Variants in PIGB observed in about 807,000 individuals in gnomAD.
PIGB encodes phosphatidylinositol glycan anchor biosynthesis class B.
PIGB carries 58 observed loss-of-function variants against 68.4 expected under a neutral mutation model. That is an observed-to-expected ratio of 0.85 (90% CI 0.69 to 1.06). The LOEUF is 1.06. Among genes scored for constraint, PIGB ranks in the 50% least tolerant of loss-of-function variants. PIGB has a pLI of 0.00. For missense variants in PIGB, 634 were observed against 655.8 expected (o/e 0.97, Z 0.36); for synonymous variants, 219 against 220.5 (o/e 0.99, Z 0.06).
intron 7 of PIGB, 105 bp from the exon 8 acceptor site, chr15:55,340,507 G>T: frequency 3.4e-6 from 2 of 589,814 alleles, no homozygotes; most frequent in Non-Finnish European, 5.7e-6. Context: ...CTGGTTTTTA[G>T]ACTTCAATTC....
Position 55,319,260 on chromosome 15 carries a change from C to G in PIGB, c.10C>G (p.Pro4Ala), listed in dbSNP as rs765931863. Residue 4 changes from proline (P) to alanine (A), a missense_variant, in exon 1 of 12, where the codon CCC (proline) becomes GCC (alanine). Physicochemically the swap from Pro to Ala is conservative, Grantham distance 27. Transcript: ENST00000164305. ...AAGGTGGCGGCCAGGGATGAGGAGG[C>G]CCCTAAGCAAGTGCGGAATGGAGCC... MRRPLSKCGMEPGG... is the reference protein window; with the variant it reads MRRALSKCGMEPGG... The G allele has an allele frequency of 1.1e-5, 17 of 1,606,206 alleles. No individual in the cohort carries two copies. In the East Asian group the frequency reaches 1.3e-4, roughly 13 times the overall value.
chr15:55,345,420 G>T (rs1028524391), intron 9 of PIGB, among the ~76,000 whole-genome samples: 1 of 151,930 alleles, frequency 6.6e-6, no homozygotes. Flanking sequence ...GAATTCTATC[G>T]AAGATGGAAA....
chr15:55,331,319 G>A (rs1456194897), intron 5 of PIGB, among the ~76,000 whole-genome samples: 1 of 152,072 alleles, frequency 6.6e-6, no homozygotes, highest in Non-Finnish European at 1.5e-5. Flanking sequence ...AGGGTCACAT[G>A]GTACAAAAGG....
chr15:55,353,691 G>A (rs553055237), intron 10 of PIGB, among the ~76,000 whole-genome samples: 12 of 151,974 alleles, frequency 7.9e-5, no homozygotes, highest in African/African-American at 1.2e-4. Flanking sequence ...TGCAACCTCC[G>A]TCTTCTGGGT....
chr15:55,333,371 G>A lies in PIGB; in HGVS notation c.654-496G>A, dbSNP rs182382729. On this transcript the variant is annotated intron_variant, in intron 5 of 11. Transcript: ENST00000164305. ...AGCACTTTAGGAGGCTGAGGCTGGC[G>A]GATCGCCTGAGGTCAGGAGTTTGAG... 1.3e-3 allele frequency among the ~76,000 whole-genome samples: 195 copies of A among 152,070 alleles called. 1 individual carries two copies. Among genetic ancestry groups the A allele is most frequent in the Middle Eastern group, 3.4e-3 (1 of 294 alleles).
At position 55,333,876 on chromosome 15, in the gene PIGB, C is replaced by G. The variant is rs1447687114; in HGVS notation, c.663C>G (p.Tyr221Ter). The change falls in exon 6 of 12, where the codon TAC becomes TAG. Residue 221 changes from tyrosine (Y) to a stop codon, truncating the protein, a stop_gained. Coordinates refer to ENST00000164305, the MANE Select transcript of PIGB (RefSeq NM_004855.5). LOFTEE classifies it high-confidence loss of function. ...EGSKSMNSVK[Y>*]SSLVALAFII... ...CATTTTCCTCTTATAGTGTCAAATA[C>G]TCATCCCTGGTGGCACTTGCCTTCA... 4.4e-6 allele frequency: 7 copies of G among 1,599,262 alleles called. No homozygotes were observed. In the Admixed American group the frequency reaches 1.2e-4, roughly 28 times the overall value.
rs540582863 is a variant in PIGB, at chr15:55,338,941, C to T, written c.795-326C>T. On this transcript the variant is annotated intron_variant, in intron 6 of 11. Transcript: ENST00000164305. ...GCCAGAGGCACCCAGCTAAGCAACA[C>T]CTAGGTTCTTGATCCACAGGAACTA... is the stretch of plus-strand genomic sequence containing the variant. 7.2e-5 allele frequency among the ~76,000 whole-genome samples: 11 copies of T among 152,276 alleles called. 1 individual carries two copies. The South Asian group carries it at 2.3e-3, about 32-fold the overall frequency.
intron 7 of PIGB, 73 bp downstream of exon 7, chr15:55,339,391 G>C: frequency 1.0e-6 from 1 of 965,562 alleles, no homozygotes. Flanking sequence ...AGAGGCAAAT[G>C]ATTTTTTAAA....
chr15:55,321,762 C>T (rs1284237967), intron 3 of PIGB, among the ~76,000 whole-genome samples: 4 of 147,568 alleles, frequency 2.7e-5, no homozygotes, highest in Admixed American at 6.8e-5. Flanking sequence ...AAGCGATTCT[C>T]CTGCCTCAGC....
chr15:55,326,273 CATA>C (rs1324723776), intron 3 of PIGB, among the ~76,000 whole-genome samples: 2 of 150,962 alleles, frequency 1.3e-5, no homozygotes, highest in Non-Finnish European at 2.9e-5. Flanking sequence ...TTATCTTATA[CATA>C]ATATTATCTT....
At chr15:55,320,228 C>A in intron 1 of PIGB, 47 bp from the exon 2 acceptor site, 1 of 1,583,766 alleles carries the variant, frequency 6.3e-7, no homozygotes, top group Admixed American at 1.8e-5. Flanking sequence ...GCAAGTGGAA[C>A]TGCCTGACTT....
chr15:55,334,957 G>A (rs2055501424), intron 6 of PIGB, among the ~76,000 whole-genome samples: 2 of 152,190 alleles, frequency 1.3e-5, no homozygotes, highest in African/African-American at 2.4e-5. Flanking sequence ...GACCTCAGGT[G>A]ATCCACCCAC....
At chr15:55,354,673 C>T (rs2056030684) in intron 10 of PIGB, 125 bp from the exon 11 acceptor site, 1 of 711,928 alleles carries the variant, frequency 1.4e-6, no homozygotes, top group East Asian at 2.9e-5. Flanking sequence ...TGCTTCTTCA[C>T]TTAACTGCAA....
intron 6 of PIGB, among the ~76,000 whole-genome samples, chr15:55,336,540 TTTCATAA>T (rs1566953015): frequency 6.6e-6 from 1 of 152,212 alleles, no homozygotes; most frequent in Non-Finnish European, 1.5e-5. Context: ...ACAAAGCCTA[TTTCATAA>T]TAAAATATTT....
intron 3 of PIGB, among the ~76,000 whole-genome samples, chr15:55,321,646 C>CT (rs966940527): frequency 0.066 from 4,525 of 68,196 alleles, 3 homozygotes; most frequent in Non-Finnish European, 0.09. Flanking sequence ...ATACTTCTTT[C>CT]TTTTTTTTTT....
intron 7 of PIGB, 150 bp from the exon 8 acceptor site, chr15:55,340,455 TAAAAAAA>T (rs377443578): frequency 2.9e-5 from 9 of 315,730 alleles, no homozygotes; most frequent in Non-Finnish European, 3.9e-5. Context: ...GACTCCATCT[TAAAAAAA>T]AAAAAAAAAA....
chr15:55,321,885 G>C (rs1595766354), intron 3 of PIGB, among the ~76,000 whole-genome samples: 3 of 148,014 alleles, frequency 2.0e-5, no homozygotes, highest in Admixed American at 6.7e-5. Context: ...CTCCCGACCT[G>C]AGGTGATCTG....
intron 9 of PIGB, among the ~76,000 whole-genome samples, chr15:55,347,315 A>G (rs1200770121): frequency 1.3e-5 from 2 of 152,184 alleles, no homozygotes; most frequent in African/African-American, 4.8e-5. Context: ...AATCCCAGCT[A>G]CCCAGGAGGC....
chr15:55,320,249 ATTAC>A (rs1374641941), intron 1 of PIGB, 22 bp from the exon 2 acceptor site: 2 of 1,604,564 alleles, frequency 1.2e-6, no homozygotes, highest in East Asian at 4.5e-5. Context: ...TTGTGCCACT[ATTAC>A]CTGTTTTGTT....
Sources: gnomAD v4.1 joint callset for allele counts (sites outside exome capture counted in the v4.1 genomes callset) on GRCh38, gnomAD v4.1.1 for gene constraint, MANE v1.5 for transcripts, NCBI Gene and HGNC (gene_info 2026-07-23, HGNC 2026-07-21) for gene names.